The following TRAPPC9 variants were observed in gnomAD, a reference collection of about 807,000 sequenced individuals.
TRAPPC9 encodes trafficking protein particle complex subunit 9.
A neutral mutation model predicts 124.0 loss-of-function variants in TRAPPC9; 83 were observed. The ratio of observed to expected loss-of-function variants is 0.67; its 90% confidence interval spans 0.56 to 0.80. TRAPPC9 has a LOEUF of 0.80. Ranked by LOEUF, TRAPPC9 falls within the 30% of genes least tolerant of loss-of-function variation. TRAPPC9 has a pLI of 0.00. For missense variants in TRAPPC9, 1,302 were observed against 1,508.3 expected, an observed-to-expected ratio of 0.86 and a Z score of 2.27; for synonymous variants, 638 against 617.5, an observed-to-expected ratio of 1.03 and a Z score of -0.49.
rs181087008 is a variant in TRAPPC9, at chr8:139,975,297, T to C, written c.2810+13429A>G. ...CTCCGCATTTCGCTAGCACACAGGTTCTGTGACTTCCCTGAACGTCAGAGC... is the reference window on the plus strand; with the variant it reads ...CTCCGCATTTCGCTAGCACACAGGTCCTGTGACTTCCCTGAACGTCAGAGC... On this transcript the variant is annotated intron_variant, in intron 19 of 22. Transcript: ENST00000438773. Among the ~76,000 whole-genome samples the C allele has an allele frequency of 2.8e-3, 420 of 152,336 alleles. 1 individual carries two copies. Among genetic ancestry groups the C allele is most frequent in the Non-Finnish European group, 3.1e-3 (209 of 68,024 alleles).
chr8:140,109,229 G>A (rs574249484), intron 17 of TRAPPC9, among the ~76,000 whole-genome samples: 38 of 152,240 alleles, frequency 2.5e-4, no homozygotes, highest in African/African-American at 8.7e-4. Flanking sequence ...CTGAGCACCA[G>A]GACAACCCAA....
rs1182612669 is a variant in TRAPPC9, at chr8:139,825,562, T to C, written c.3055+60317A>G. On this transcript the variant is annotated intron_variant, in intron 21 of 22. Coordinates refer to ENST00000438773, the MANE Select transcript of TRAPPC9 (RefSeq NM_001160372.4). This position sits in a 1 kb window ranked among gnomAD's most constrained non-coding sequence, Gnocchi z 4.6. Reference sequence around the variant, plus strand: ...ATCTCTGCCCTTAATCCCTTTGGGATCAATTAATGTTCCCAAGAAAAATGG... The same window carrying C: ...ATCTCTGCCCTTAATCCCTTTGGGACCAATTAATGTTCCCAAGAAAAATGG... 6.6e-6 allele frequency among the ~76,000 whole-genome samples: 1 copy of C among 152,056 alleles called. No homozygotes were observed. Among genetic ancestry groups the C allele is most frequent in the Non-Finnish European group, 1.5e-5 (1 of 67,992 alleles).
chr8:140,252,811 G>A lies in TRAPPC9; in HGVS notation c.2397C>T (p.Ser799=), dbSNP rs759867098. ...TINIKVKLDF[S]CQENLLQDLS... is the part of the protein sequence containing the mutation. ...GATCCTGCAGGAGATTCTCCTGGCAGGAGAAATCCAGCTTCACTTTGATGT... is the reference window on the plus strand; with the variant it reads ...GATCCTGCAGGAGATTCTCCTGGCAAGAGAAATCCAGCTTCACTTTGATGT... Residue 799 remains serine, a synonymous_variant, in exon 16 of 23, where the codon TCC becomes TCT. Transcript: ENST00000438773. The surrounding 1 kb of genome is among the most constrained non-coding windows in gnomAD (Gnocchi z 4.2). The A allele has an allele frequency of 6.8e-6, 11 of 1,613,990 alleles. No homozygotes were observed. In the Admixed American group the frequency reaches 1.5e-4, roughly 22 times the overall value.
intron 21 of TRAPPC9, among the ~76,000 whole-genome samples, chr8:139,765,206 C>T (rs1820504745): frequency 6.6e-6 from 1 of 152,186 alleles, no homozygotes; most frequent in Non-Finnish European, 1.5e-5. Context: ...TTCTCCATCC[C>T]ATCGCTCAGA....
chr8:140,388,370 A>T (rs1296781246), intron 7 of TRAPPC9, among the ~76,000 whole-genome samples: 2 of 148,660 alleles, frequency 1.3e-5, no homozygotes, highest in Non-Finnish European at 3.0e-5. Context: ...TAGAACTTAC[A>T]GTAAAAAAAA....
intron 21 of TRAPPC9, among the ~76,000 whole-genome samples, chr8:139,775,549 G>C (rs1821294701): frequency 6.6e-6 from 1 of 152,246 alleles, no homozygotes; most frequent in South Asian, 2.1e-4. Context: ...ACATCTCCAG[G>C]GGAAGGGTGT....
chr8:139,812,090 G>A (rs549152771), intron 21 of TRAPPC9, among the ~76,000 whole-genome samples: 1 of 152,182 alleles, frequency 6.6e-6, no homozygotes, highest in Non-Finnish European at 1.5e-5. Flanking sequence ...CTGGAACCAC[G>A]CATGCACACA....
rs1213519359 is a variant in TRAPPC9 at position 140,195,137 on chromosome 8, G to A, written c.2556+26322C>T. 4.6e-5 allele frequency among the ~76,000 whole-genome samples: 7 copies of A among 150,744 alleles called. 1 individual carries two copies. Among genetic ancestry groups the A allele is most frequent in the African/African-American group, 1.2e-4 (5 of 40,958 alleles). The stretch of plus-strand genomic sequence containing the variant: ...ACTAAAACACACTCAACGATCCACT[G>A]TACAGATCACACCTGTGACACTAAA... On this transcript the variant is annotated intron_variant, in intron 17 of 22. Coordinates refer to ENST00000438773, the MANE Select transcript of TRAPPC9 (RefSeq NM_001160372.4).
intron 17 of TRAPPC9, among the ~76,000 whole-genome samples, chr8:140,125,207 C>T (rs1251216198): frequency 1.3e-5 from 2 of 152,162 alleles, no homozygotes; most frequent in Admixed American, 1.3e-4. Context: ...CGGGACACGG[C>T]CTCCCTAAGG....
chr8:140,403,866 C>T (rs1270062420), intron 6 of TRAPPC9, among the ~76,000 whole-genome samples: 1 of 151,826 alleles, frequency 6.6e-6, no homozygotes, highest in Non-Finnish European at 1.5e-5. Context: ...CCATGTTGCC[C>T]GGGGTGGTCT....
At chr8:140,355,796 G>A (rs756083260) in intron 9 of TRAPPC9, among the ~76,000 whole-genome samples, 6 of 152,256 alleles carry the variant, frequency 3.9e-5, no homozygotes, top group Non-Finnish European at 7.3e-5. Flanking sequence ...TAAACATGTC[G>A]TTTCAATAAG....
At chr8:140,331,017 C>A (rs568731322) in intron 9 of TRAPPC9, among the ~76,000 whole-genome samples, 2 of 151,944 alleles carry the variant, frequency 1.3e-5, no homozygotes, top group East Asian at 3.9e-4. Context: ...CTAAGGCAAT[C>A]CTGAGCAAAA....
At chr8:139,790,049 C>G (rs1432814201) in intron 21 of TRAPPC9, among the ~76,000 whole-genome samples, 1 of 152,186 alleles carries the variant, frequency 6.6e-6, no homozygotes, top group African/African-American at 2.4e-5. Context: ...CATGACGCCG[C>G]GTCGCTGCTG....
intron 9 of TRAPPC9, among the ~76,000 whole-genome samples, chr8:140,325,208 A>T (rs1162313701): frequency 6.6e-6 from 1 of 152,228 alleles, no homozygotes. Flanking sequence ...CAGTGCTTAG[A>T]GGGAAATTTA....
At chr8:140,032,983 A>T (rs1420484600) in intron 17 of TRAPPC9, among the ~76,000 whole-genome samples, 1 of 152,248 alleles carries the variant, frequency 6.6e-6, no homozygotes, top group Non-Finnish European at 1.5e-5. Flanking sequence ...TTATTAAAAA[A>T]GTGGAACATC....
chr8:140,343,804 G>A (rs2067260983), intron 9 of TRAPPC9, among the ~76,000 whole-genome samples: 1 of 152,146 alleles, frequency 6.6e-6, no homozygotes, highest in Non-Finnish European at 1.5e-5. Flanking sequence ...AACTGGCATT[G>A]TAAATTCTGA....
At chr8:140,341,182 A>T (rs1300580318) in intron 9 of TRAPPC9, among the ~76,000 whole-genome samples, 1 of 152,210 alleles carries the variant, frequency 6.6e-6, no homozygotes, top group Non-Finnish European at 1.5e-5. Flanking sequence ...CACAGACATG[A>T]AAACTAAAAA....
chr8:140,052,379 A>G (rs1842056621), intron 17 of TRAPPC9, among the ~76,000 whole-genome samples: 3 of 152,232 alleles, frequency 2.0e-5, no homozygotes, highest in Admixed American at 6.5e-5. Flanking sequence ...GCTCATGCCT[A>G]TAATCCCAGC....
At position 140,239,194 on chromosome 8, in the gene TRAPPC9, C is replaced by T. The variant is rs2063800996; in HGVS notation, c.2431+13583G>A. 2.0e-5 allele frequency among the ~76,000 whole-genome samples: 3 copies of T among 152,282 alleles called. No individual in the cohort carries two copies. In the South Asian group the frequency reaches 6.2e-4, roughly 32 times the overall value. On this transcript the variant is annotated intron_variant, in intron 16 of 22. Transcript: ENST00000438773. ...GAGGGAAGCCCCACGCCAGCCTCCACCCAGACGCACCACCCTCAGCCCCCT... is the reference window on the plus strand; with the variant it reads ...GAGGGAAGCCCCACGCCAGCCTCCATCCAGACGCACCACCCTCAGCCCCCT...
Sources: gnomAD v4.1 joint callset for allele counts (sites outside exome capture counted in the v4.1 genomes callset) on GRCh38, gnomAD v4.1.1 for gene constraint, Gnocchi (gnomAD v3.1) non-coding constraint, MANE v1.5 for transcripts, NCBI Gene and HGNC (gene_info 2026-07-23, HGNC 2026-07-21) for gene names.